Variants in KCNK2 observed in about 807,000 individuals in gnomAD.
KCNK2 encodes the protein potassium channel subfamily K member 2.
A neutral mutation model predicts 40.5 loss-of-function variants in KCNK2; 21 were observed. That is an observed-to-expected ratio of 0.52 (90% confidence interval 0.37 to 0.75). The LOEUF is 0.75. Among genes scored for constraint, KCNK2 ranks in the 30% least tolerant of loss-of-function variants. The pLI is 0.00. For synonymous variants in KCNK2, 191 were observed against 202.2 expected, an observed-to-expected ratio of 0.94 and a Z score of 0.47; for missense variants, 399 against 531.6, an observed-to-expected ratio of 0.75 and a Z score of 2.45.
chr1:215,026,327 T>C (rs1656998995), intron 1 of KCNK2, among the ~76,000 whole-genome samples: 1 of 152,066 alleles, frequency 6.6e-6, no homozygotes. Flanking sequence ...AATAGTATCT[T>C]CTGCTACACA....
intron 3 of KCNK2, among the ~76,000 whole-genome samples, chr1:215,156,128 T>C (rs1234280804): frequency 1.3e-5 from 2 of 151,670 alleles, no homozygotes; most frequent in African/African-American, 4.8e-5. Context: ...CTCACGGAGC[T>C]CAAATTTGAG....
In KCNK2 at chr1:215,207,665, A is replaced by G. The variant is rs1176807398; in HGVS notation, c.963+12573A>G. Among the ~76,000 whole-genome samples the G allele has an allele frequency of 2.6e-5, 4 of 152,356 alleles. No individual in the cohort carries two copies. In the East Asian group the frequency reaches 7.7e-4, roughly 29 times the overall value. ...CTTTCATAATGAAGGAGGTTTTACTACACTGATAAATTCTAGCTCCCATCC... is the reference window on the plus strand; with the variant it reads ...CTTTCATAATGAAGGAGGTTTTACTGCACTGATAAATTCTAGCTCCCATCC... On this transcript the variant is annotated intron_variant, in intron 6 of 6. Transcript: ENST00000444842.
intron 3 of KCNK2, among the ~76,000 whole-genome samples, chr1:215,127,862 T>C (rs1445482365): frequency 6.6e-6 from 1 of 152,236 alleles, no homozygotes; most frequent in Non-Finnish European, 1.5e-5. Context: ...AACACCATAT[T>C]GATACCTGTG....
Position 215,093,903 on chromosome 1 carries a change from T to C in KCNK2, c.357+7225T>C, listed in dbSNP as rs866161042. Among the ~76,000 whole-genome samples, 261 of 113,372 alleles carry C rather than the reference T, an allele frequency of 2.3e-3. 2 individuals carry two copies. The highest frequency in any genetic ancestry group is 8.6e-3 in the African/African-American group (256 of 29,790). The allele number at this position is 113,372 out of a possible 152,430, so 74.4% of individuals were successfully genotyped here. A position where few individuals can be genotyped will look rare whatever the true frequency, so the allele number is the denominator to read the frequency against. On this transcript the variant is annotated intron_variant, in intron 2 of 6. Transcript: ENST00000444842. ...TTATATATTATATATAAAAATATATTATATATTATATATAAAAATATATAT... is the reference window on the plus strand; with the variant it reads ...TTATATATTATATATAAAAATATATCATATATTATATATAAAAATATATAT...
chr1:215,052,762 G>A (rs1381380119), intron 1 of KCNK2, among the ~76,000 whole-genome samples: 4 of 152,172 alleles, frequency 2.6e-5, no homozygotes, highest in Admixed American at 2.6e-4. Context: ...TGGGACATCA[G>A]CAATGAGAGA....
chr1:215,083,210 T>TCCCCCCTCCCCCC lies in KCNK2; in HGVS notation c.-173_-172insCCCTCCCCCCCCC. 2.6e-6 allele frequency: 1 copy of TCCCCCCTCCCCCC among 391,896 alleles called. No individual in the cohort carries two copies. The highest frequency in any genetic ancestry group is 3.1e-5 in the South Asian group (1 of 31,870). The allele number at this position is 391,896 out of a possible 1,614,324, so 24.3% of individuals were successfully genotyped here. Reference sequence around the variant, plus strand: ...TTCTCACGCTCCCCCCCCCGCCCCCTCCCGCGTCCAGCCCCGCTCTCCCCA... The same window carrying TCCCCCCTCCCCCC: ...TTCTCACGCTCCCCCCCCCGCCCCCTCCCCCCTCCCCCCCCCGCGTCCAGCCCCGCTCTCCCCA... On this transcript the variant is annotated 5_prime_UTR_variant, in exon 1 of 7. Transcript: ENST00000444842.
chr1:215,054,506 A>G (rs757436248), intron 1 of KCNK2, among the ~76,000 whole-genome samples: 1 of 152,168 alleles, frequency 6.6e-6, no homozygotes, highest in Non-Finnish European at 1.5e-5. Context: ...CATATACCAG[A>G]TGCATGTTTG....
chr1:215,014,476 A>G (rs913290303), intron 1 of KCNK2, among the ~76,000 whole-genome samples: 1 of 151,872 alleles, frequency 6.6e-6, no homozygotes, highest in Non-Finnish European at 1.5e-5. Flanking sequence ...ATGGTATTGT[A>G]GTGTTATATT....
chr1:215,090,290 G>C (rs1659638683), intron 2 of KCNK2, among the ~76,000 whole-genome samples: 1 of 151,968 alleles, frequency 6.6e-6, no homozygotes, highest in African/African-American at 2.4e-5. Context: ...TACCTTATAG[G>C]GAAACTGAAG....
chr1:215,212,457 A>G (rs1359658588), intron 6 of KCNK2, among the ~76,000 whole-genome samples: 6 of 152,180 alleles, frequency 3.9e-5, no homozygotes, highest in Admixed American at 3.3e-4. Flanking sequence ...GGCTGAGTGA[A>G]GAAAAATGCA....
intron 3 of KCNK2, among the ~76,000 whole-genome samples, chr1:215,138,460 T>C (rs1662027035): frequency 6.6e-6 from 1 of 152,008 alleles, no homozygotes; most frequent in Non-Finnish European, 1.5e-5. Context: ...AATCAGGGGA[T>C]AGAAATTGTG....
At chr1:215,157,503 T>C (rs1442654345) in intron 3 of KCNK2, among the ~76,000 whole-genome samples, 2 of 152,210 alleles carry the variant, frequency 1.3e-5, no homozygotes, top group Non-Finnish European at 2.9e-5. Context: ...CCAGAATGAC[T>C]GCCATTCCTT....
intron 1 of KCNK2, among the ~76,000 whole-genome samples, chr1:215,077,348 C>G (rs1658980510): frequency 2.0e-5 from 3 of 152,286 alleles, no homozygotes; most frequent in Admixed American, 1.3e-4. Context: ...TGCCTACCCT[C>G]TCTGTCACCA....
chr1:215,093,564 T>G (rs61123230), intron 2 of KCNK2, among the ~76,000 whole-genome samples: 1 of 108,260 alleles, frequency 9.2e-6, no homozygotes, highest in Non-Finnish European at 1.7e-5. Context: ...ATATAAGATA[T>G]ATAATATATA....
intron 3 of KCNK2, among the ~76,000 whole-genome samples, chr1:215,131,424 TATA>T (rs1223811856): frequency 1.4e-5 from 2 of 147,006 alleles, no homozygotes; most frequent in Non-Finnish European, 3.0e-5. Context: ...TTTATATAAT[TATA>T]TTATTATGTA....
Position 215,083,203 on chromosome 1 carries a change from C to CCCCCCCCCCCCCCCCCAG in KCNK2, c.-183_-182insCCCCCCCCCCCCCCCCAG. ...TCGTTTCTTCTCACGCTCCCCCCCC[C>CCCCCCCCCCCCCCCCCAG]GCCCCCTCCCGCGTCCAGCCCCGCT... On this transcript the variant is annotated 5_prime_UTR_variant, in exon 1 of 7. Transcript: ENST00000444842. The CCCCCCCCCCCCCCCCCAG allele has an allele frequency of 1.2e-6, 1 of 804,904 alleles. No homozygotes were observed. The highest frequency in any genetic ancestry group is 1.5e-5 in the South Asian group (1 of 65,592). 49.9% of individuals were successfully genotyped at this position (804,904 alleles called of 1,614,324 possible).
intron 1 of KCNK2, 165 bp downstream of exon 1, chr1:215,083,596 G>T (rs1659283960): frequency 1.6e-6 from 1 of 629,328 alleles, no homozygotes; most frequent in African/African-American, 1.8e-5. Flanking sequence ...GCAAACCCTT[G>T]CCAGATCCTC....
chr1:215,049,489 T>A (rs187370905), intron 1 of KCNK2, among the ~76,000 whole-genome samples: 18 of 152,302 alleles, frequency 1.2e-4, no homozygotes, highest in Non-Finnish European at 1.5e-5. Flanking sequence ...CAAAAGTTGA[T>A]AATTTTGATG....
intron 1 of KCNK2, among the ~76,000 whole-genome samples, chr1:215,036,046 AT>A (rs1338769828): frequency 6.6e-6 from 1 of 151,530 alleles, no homozygotes; most frequent in African/African-American, 2.4e-5. Context: ...ATGAATTCCA[AT>A]TTATAATTTT....
Sources: allele counts gnomAD v4.1 joint callset (sites outside exome capture counted in the v4.1 genomes callset), GRCh38; gene constraint gnomAD v4.1.1; transcripts MANE v1.5; gene names NCBI Gene and HGNC (gene_info 2026-07-23, HGNC 2026-07-21).